CD38: variants seen among roughly 807,000 people sequenced by gnomAD.
The protein encoded by CD38 is CD38 molecule, also known as ADP-ribosyl cyclase/cyclic ADP-ribose hydrolase 1.
Under a neutral mutation model 36.3 loss-of-function variants are expected in CD38, and 31 were observed. The ratio of observed to expected loss-of-function variants is 0.85; its 90% CI spans 0.64 to 1.15. The LOEUF (loss-of-function observed/expected upper bound fraction) is 1.15. Among genes scored for constraint, CD38 ranks in the 50% most tolerant of loss-of-function variants. The pLI, the probability that CD38 is intolerant of heterozygous loss-of-function variation, is 0.00. For missense variants in CD38, 380 were observed against 371.9 expected (o/e 1.02, Z -0.18); for synonymous variants, 131 against 135.2 (o/e 0.97, Z 0.22).
chr4:15,834,358 T>C lies in CD38; in HGVS notation c.585+56T>C. The C allele has an allele frequency of 2.9e-6, 3 of 1,047,180 alleles. No homozygotes were observed. The Admixed American group carries it at 5.1e-5, about 18-fold the overall frequency. The allele number at this position is 1,047,180 out of a possible 1,614,324, so 64.9% of individuals were successfully genotyped here. On this transcript the variant is annotated intron_variant, in intron 4 of 7. Transcript: ENST00000226279. Reference sequence around the variant, plus strand: ...TTGGAGACCACAGAACTTAAGACGTTACTCAGTCAGTGCTTGGTTTTAACA... The same window carrying C: ...TTGGAGACCACAGAACTTAAGACGTCACTCAGTCAGTGCTTGGTTTTAACA...
In CD38 at chr4:15,824,896, A is replaced by G; in HGVS notation, c.379A>G (p.Arg127Gly). The change falls in exon 3 of 8, where the codon AGA (arginine) becomes GGA (glycine). Residue 127 changes from arginine to glycine, a missense_variant. Arg to Gly is a moderately radical substitution (Grantham distance 125). Coordinates refer to ENST00000226279, the MANE Select transcript of CD38 (RefSeq NM_001775.4). ...TCTTCCTTAGATTCTTCTTTGGAGCAGAATAAAAGATCTGGCCCATCAGTT... is the reference window on the plus strand; with the variant it reads ...TCTTCCTTAGATTCTTCTTTGGAGCGGAATAAAAGATCTGGCCCATCAGTT... ...VPCNKILLWS[R>G]IKDLAHQFTQ... 1 of 1,613,518 alleles carries G rather than the reference A, an allele frequency of 6.2e-7. No individual in the cohort carries two copies. Among genetic ancestry groups the G allele is most frequent in the Non-Finnish European group, 8.5e-7 (1 of 1,179,600 alleles).
chr4:15,790,346 T>G (rs1197158154), intron 1 of CD38, among the ~76,000 whole-genome samples: 2 of 119,524 alleles, frequency 1.7e-5, no homozygotes, highest in African/African-American at 3.5e-5. Context: ...CTGGTTTTCG[T>G]TTTTTTTTTT....
chr4:15,808,067 C>T (rs1723381140), intron 1 of CD38, among the ~76,000 whole-genome samples: 1 of 152,212 alleles, frequency 6.6e-6, no homozygotes, highest in Admixed American at 6.5e-5. Flanking sequence ...TCTCTCCTTG[C>T]TTTGCTTGAG....
intron 1 of CD38, among the ~76,000 whole-genome samples, chr4:15,806,535 G>A (rs1723344673): frequency 6.6e-6 from 1 of 152,180 alleles, no homozygotes; most frequent in Non-Finnish European, 1.5e-5. Flanking sequence ...TGGCACAGTG[G>A]CAGGTGGTGA....
intron 7 of CD38, among the ~76,000 whole-genome samples, chr4:15,841,103 T>C (rs1039371692): frequency 6.6e-6 from 1 of 152,158 alleles, no homozygotes; most frequent in Admixed American, 6.5e-5. Flanking sequence ...CAGTTTAAAA[T>C]TACAGATAGA....
intron 1 of CD38, among the ~76,000 whole-genome samples, chr4:15,785,263 C>T (rs1183535780): frequency 2.0e-5 from 3 of 152,116 alleles, no homozygotes; most frequent in Non-Finnish European, 4.4e-5. Flanking sequence ...ACCAGGGTAT[C>T]AGGGAGAATA....
intron 4 of CD38, 146 bp downstream of exon 4, chr4:15,834,448 A>T: frequency 1.6e-6 from 1 of 616,730 alleles, no homozygotes; most frequent in Non-Finnish European, 2.9e-6. Context: ...AAAGGTTCAG[A>T]TGCACATGCC....
At chr4:15,780,393 T>C (rs1295655376) in intron 1 of CD38, among the ~76,000 whole-genome samples, 1 of 152,232 alleles carries the variant, frequency 6.6e-6, no homozygotes, top group Non-Finnish European at 1.5e-5. Flanking sequence ...GCATCTTGTA[T>C]ATGTTTATTT....
intron 3 of CD38, chr4:15,825,291 C>T (rs1389483166): frequency 2.7e-6 from 1 of 363,730 alleles, no homozygotes; most frequent in African/African-American, 2.1e-5. Flanking sequence ...GAGGCTGTTT[C>T]CACTCATGGA....
rs1724413322 is a variant in CD38, at chr4:15,852,670, G to C, written c.*4068G>C. On this transcript the variant is annotated 3_prime_UTR_variant, in exon 8 of 8. Transcript: ENST00000226279. ...TTTACTATGAAGAGTCATCATTTTA[G>C]TATGTATTTTAAGCAATCCACCAAG... is the stretch of plus-strand genomic sequence containing the variant. 1 of 152,022 alleles carries C rather than the reference G, an allele frequency of 6.6e-6. No homozygotes were observed. Among genetic ancestry groups the C allele is most frequent in the African/African-American group, 2.4e-5 (1 of 41,368 alleles). The allele number at this position is 152,022 out of a possible 1,614,324, so 9.4% of individuals were successfully genotyped here.
chr4:15,810,146 A>G (rs111697487), intron 1 of CD38, among the ~76,000 whole-genome samples: 1 of 152,222 alleles, frequency 6.6e-6, no homozygotes, highest in African/African-American at 2.4e-5. Context: ...CTCCGTCTAA[A>G]CAAGGAATTC....
At chr4:15,779,580 G>C (rs1049833518) in intron 1 of CD38, among the ~76,000 whole-genome samples, 2 of 152,116 alleles carry the variant, frequency 1.3e-5, no homozygotes, top group African/African-American at 2.4e-5. Context: ...CCGAGGAAAC[G>C]AGCAAATAGA....
At chr4:15,820,592 AG>A (rs765625093) in intron 2 of CD38, among the ~76,000 whole-genome samples, 15 of 152,350 alleles carry the variant, frequency 9.8e-5, no homozygotes, top group Admixed American at 6.5e-4. Flanking sequence ...AAGAAAAAGA[AG>A]GGTATTACAT....
intron 1 of CD38, among the ~76,000 whole-genome samples, chr4:15,795,413 G>T (rs1723085795): frequency 6.6e-6 from 1 of 152,026 alleles, no homozygotes; most frequent in South Asian, 2.1e-4. Flanking sequence ...GAAAACTGAG[G>T]TCAGAAATTT....
intron 1 of CD38, among the ~76,000 whole-genome samples, chr4:15,786,071 T>G (rs1256908934): frequency 6.6e-6 from 1 of 152,104 alleles, no homozygotes; most frequent in African/African-American, 2.4e-5. Flanking sequence ...GCTCAGGAGT[T>G]AAGCTGCAGA....
chr4:15,825,070 G>T, intron 3 of CD38, 54 bp downstream of exon 3: 1 of 1,542,390 alleles, frequency 6.5e-7, no homozygotes, highest in South Asian at 1.2e-5. Context: ...TGAACAGAGT[G>T]ACTTCTGCTG....
intron 1 of CD38, among the ~76,000 whole-genome samples, chr4:15,787,109 G>A (rs1722855371): frequency 6.6e-6 from 1 of 152,208 alleles, no homozygotes; most frequent in Non-Finnish European, 1.5e-5. Context: ...CGCTCAAGCA[G>A]AGGGAGCCGA....
intron 1 of CD38, among the ~76,000 whole-genome samples, chr4:15,795,639 G>GAT (rs1379760143): frequency 6.6e-6 from 1 of 152,106 alleles, no homozygotes; most frequent in Non-Finnish European, 1.5e-5. Flanking sequence ...ACAAAAGGAA[G>GAT]ATATATACCT....
chr4:15,848,486 C>A, intron 7 of CD38, 53 bp from the exon 8 acceptor site: 2 of 1,395,584 alleles, frequency 1.4e-6, no homozygotes, highest in Non-Finnish European at 2.0e-6. Flanking sequence ...GCGAATTGGA[C>A]GACAGATGTA....
Sources: gnomAD v4.1 joint callset for allele counts (sites outside exome capture counted in the v4.1 genomes callset) on GRCh38, gnomAD v4.1.1 for gene constraint, MANE v1.5 for transcripts, NCBI Gene and HGNC (gene_info 2026-07-23, HGNC 2026-07-21) for gene names.